The following PITPNM1 variants were observed in gnomAD, a reference collection of about 807,000 sequenced individuals.
PITPNM1 encodes the protein membrane-associated phosphatidylinositol transfer protein 1.
PITPNM1 carries 74 observed loss-of-function variants against 133.3 expected under a neutral mutation model. The observed-to-expected ratio is 0.56, with a 90% CI of 0.46 to 0.67. The LOEUF is 0.67. Ranked by LOEUF, PITPNM1 falls within the 30% of genes least tolerant of loss-of-function variation. The probability of loss-of-function intolerance (pLI) is 0.00; values close to 1 mark genes in which losing one functional copy is unlikely to be tolerated. For missense variants in PITPNM1, 1,398 were observed against 1,739.5 expected, an observed-to-expected ratio of 0.80 and a Z score of 3.49; for synonymous variants, 738 against 741.4, an observed-to-expected ratio of 1.00 and a Z score of 0.08.
rs766387373 is a variant in PITPNM1, at chr11:67,500,182, G to T, written c.880C>A (p.Pro294Thr). 1 of 1,597,862 alleles carries T rather than the reference G, an allele frequency of 6.3e-7. No homozygotes were observed. The highest frequency in any genetic ancestry group is 8.5e-7 in the Non-Finnish European group (1 of 1,173,078). ...NTGTPDGPEA[P>T]PGPDASPDAS... is the part of the protein sequence containing the mutation. ...TCGGGGGAGGCATCTGGGCCTGGGG[G>T]GGCCTCAGGCCCATCGGGGGTGCCA... Residue 294 changes from proline (P) to threonine (T), a missense_variant, in exon 6 of 24, where the codon CCC (proline) becomes ACC (threonine). Pro to Thr is a conservative substitution (Grantham distance 38, BLOSUM62 -1). This residue lies in a region of PITPNM1 where 195 missense variants were observed against 178.8 expected (regional missense o/e 1.09). Transcript: ENST00000356404.
Position 67,501,783 on chromosome 11 carries a change from G to A in PITPNM1, c.640+79C>T, listed in dbSNP as rs1356453043. Reference sequence around the variant, plus strand: ...GGCTTTCTGCTTCTGTGTCCCCAGTGGATGGGAGCATCCCTGGCCCTAAAC... The same window carrying A: ...GGCTTTCTGCTTCTGTGTCCCCAGTAGATGGGAGCATCCCTGGCCCTAAAC... On this transcript the variant is annotated intron_variant, in intron 5 of 23. Coordinates refer to ENST00000356404, the MANE Select transcript of PITPNM1 (RefSeq NM_004910.3). The A allele has an allele frequency of 3.2e-6, 4 of 1,243,488 alleles. No homozygotes were observed. The East Asian group carries it at 9.9e-5, about 31-fold the overall frequency. The allele number at this position is 1,243,488 out of a possible 1,614,324, so 77.0% of individuals were successfully genotyped here.
Position 67,497,999 on chromosome 11 carries a change from C to T in PITPNM1, c.1700G>A (p.Gly567Asp). The T allele has an allele frequency of 6.2e-7, 1 of 1,610,822 alleles. No homozygotes were observed. The highest frequency in any genetic ancestry group is 8.5e-7 in the Non-Finnish European group (1 of 1,179,974). The stretch of plus-strand genomic sequence containing the variant: ...GAGTGCATCAAAGCCCAGGATGCCA[C>T]CAACACCATCTCCAATCAGTGCGAC... ...GQVALIGDGV[G>D]GILGFDALCH... Residue 567 changes from glycine (G) to aspartate (D), a missense_variant, in exon 12 of 24, where the codon GGT becomes GAT. This residue lies in a region of PITPNM1 where 574 missense variants were observed against 698.7 expected (regional missense o/e 0.82). Transcript: ENST00000356404.
At chr11:67,497,496 T>G (rs1591058809) in intron 13 of PITPNM1, 26 bp downstream of exon 13, 1 of 1,600,922 alleles carries the variant, frequency 6.2e-7, no homozygotes, top group African/African-American at 1.3e-5. Flanking sequence ...GTGCCCAGGG[T>G]AGGGGTGATG....
Position 67,493,804 on chromosome 11 carries a change from A to C in PITPNM1, c.3042T>G (p.Thr1014=). ...CAGCCTCCGTGCCGCGGGCCACCAC[A>C]GTCAGGCAGCATTCGGCATAGGTGT... ...GDHTYAECCL[T]VVARGTEAVV... Residue 1014 remains threonine (T), a synonymous_variant, in exon 21 of 24, where the codon ACT becomes ACG. Transcript: ENST00000356404. 1 of 1,550,080 alleles carries C rather than the reference A, an allele frequency of 6.5e-7. No homozygotes were observed. The highest frequency in any genetic ancestry group is 8.7e-7 in the Non-Finnish European group (1 of 1,147,684).
chr11:67,494,927 C>A lies in PITPNM1; in HGVS notation c.2661G>T (p.Ala887=), dbSNP rs756992306. 2.5e-6 allele frequency: 4 copies of A among 1,612,850 alleles called. No homozygotes were observed. The highest frequency in any genetic ancestry group is 2.2e-5 in the East Asian group (1 of 44,866). ...TGTAGATGGACGGCTCCTCGCATTC[C>A]GCCAGCTGTGGCCGCTCCTTCTCGA... The part of the protein sequence containing the change: ...QVIEKERPQL[A]ECEEPSIYSP... The change falls in exon 18 of 24, where the codon GCG becomes GCT. Residue 887 remains alanine (A), a synonymous_variant. Transcript: ENST00000356404.
chr11:67,492,915 G>A lies in PITPNM1; in HGVS notation c.3471+19C>T, dbSNP rs1292339331. ...GCCCCCTGGTGGGGTCCTGTTCCTG[G>A]CCTTCACTTGGGCCTCACCTGGCAC... On this transcript the variant is annotated intron_variant, in intron 23 of 23. Coordinates refer to ENST00000356404, the MANE Select transcript of PITPNM1 (RefSeq NM_004910.3). 6.2e-7 allele frequency: 1 copy of A among 1,609,098 alleles called. No homozygotes were observed. Among genetic ancestry groups the A allele is most frequent in the Non-Finnish European group, 8.5e-7 (1 of 1,177,418 alleles).
chr11:67,500,012 G>A lies in PITPNM1; in HGVS notation c.968-3C>T, dbSNP rs758749675. 4 of 1,611,640 alleles carry A rather than the reference G, an allele frequency of 2.5e-6. No homozygotes were observed. The highest frequency in any genetic ancestry group is 3.4e-6 in the Non-Finnish European group (4 of 1,179,442). On this transcript the variant is annotated splice_polypyrimidine_tract_variant and splice_region_variant and intron_variant, in intron 6 of 23. Coordinates refer to ENST00000356404, the MANE Select transcript of PITPNM1 (RefSeq NM_004910.3). ...CAAGCTCTGGGGAGACACAGCCCCTGCCGGGCCAGCTCAGCCTCAGCCTCA... is the reference window on the plus strand; with the variant it reads ...CAAGCTCTGGGGAGACACAGCCCCTACCGGGCCAGCTCAGCCTCAGCCTCA...
chr11:67,503,993 G>T, intron 2 of PITPNM1, 110 bp downstream of exon 2: 1 of 713,266 alleles, frequency 1.4e-6, no homozygotes, highest in Non-Finnish European at 2.3e-6. Flanking sequence ...CTGAAGGGGG[G>T]CCTCTCTTGC....
At chr11:67,499,107 C>T in intron 8 of PITPNM1, 106 bp from the exon 9 acceptor site, 1 of 1,102,668 alleles carries the variant, frequency 9.1e-7, no homozygotes, top group South Asian at 1.5e-5. Context: ...GCCCCCAGTC[C>T]CTACCTTCCT....
At chr11:67,495,391 G>C (rs368279952) in intron 16 of PITPNM1, 47 bp downstream of exon 16, 1 of 1,460,930 alleles carries the variant, frequency 6.8e-7, no homozygotes, top group East Asian at 2.5e-5. Flanking sequence ...GGTGGAATAC[G>C]GGCCTCCCCC....
At position 67,498,805 on chromosome 11, in the gene PITPNM1, T is replaced by C; in HGVS notation, c.1275A>G (p.Ala425=). 1.2e-6 allele frequency: 2 copies of C among 1,611,802 alleles called. No homozygotes were observed. Among genetic ancestry groups the C allele is most frequent in the African/African-American group, 1.3e-5 (1 of 75,006 alleles). Residue 425 remains alanine (A), a synonymous_variant, in exon 10 of 24, where the codon GCA becomes GCG. Transcript: ENST00000356404. The surrounding 1 kb of genome is among the most constrained non-coding windows in gnomAD (Gnocchi z 5.7). The part of the protein sequence containing the change: ...GAGELGAEAC[A]VHALFLILHS... Reference sequence around the variant, plus strand: ...GCAGGATAAGGAAGAGGGCGTGGACTGCGCATGCCTCAGCCCCCAGCTCCC... The same window carrying C: ...GCAGGATAAGGAAGAGGGCGTGGACCGCGCATGCCTCAGCCCCCAGCTCCC...
intron 5 of PITPNM1, among the ~76,000 whole-genome samples, chr11:67,501,446 AGGCT>A (rs1414801982): frequency 2.0e-5 from 3 of 152,196 alleles, no homozygotes; most frequent in Non-Finnish European, 4.4e-5. Context: ...CCAGGGCCAA[AGGCT>A]GGAACACTAG....
At position 67,502,665 on chromosome 11, in the gene PITPNM1, G is replaced by A; in HGVS notation, c.132C>T (p.Ala44=). 2 of 1,613,480 alleles carry A rather than the reference G, an allele frequency of 1.2e-6. No homozygotes were observed. Among genetic ancestry groups the A allele is most frequent in the Non-Finnish European group, 1.7e-6 (2 of 1,180,016 alleles). ...CGGGCCCATCCGTGTAGGGCCGGTTGGCCAGGATCTCCACGCCGCTGCCCT... is the reference window on the plus strand; with the variant it reads ...CGGGCCCATCCGTGTAGGGCCGGTTAGCCAGGATCTCCACGCCGCTGCCCT... ...SGEGSGVEIL[A]NRPYTDGPGG... is the part of the protein sequence containing the mutation. The change falls in exon 3 of 24, where the codon GCC becomes GCT. Residue 44 remains alanine (A), a synonymous_variant. Transcript: ENST00000356404. This position sits in a 1 kb window ranked among gnomAD's most constrained non-coding sequence, Gnocchi z 5.9.
chr11:67,501,995 T>C lies in PITPNM1; in HGVS notation c.507A>G (p.Arg169=). Residue 169 remains arginine, a synonymous_variant, in exon 5 of 24, where the codon CGA becomes CGG. Transcript: ENST00000356404. ...PRLYHSVKTG[R]GPLSDDWART... Reference sequence around the variant, plus strand: ...GTGCCCAGTCATCAGACAGTGGCCCTCGGCCCGTCTTGACCGAGTGATAAA... The same window carrying C: ...GTGCCCAGTCATCAGACAGTGGCCCCCGGCCCGTCTTGACCGAGTGATAAA... 2 of 1,613,492 alleles carry C rather than the reference T, an allele frequency of 1.2e-6. No homozygotes were observed. Among genetic ancestry groups the C allele is most frequent in the Non-Finnish European group, 1.7e-6 (2 of 1,180,014 alleles).
chr11:67,494,265 G>T lies in PITPNM1; in HGVS notation c.2838C>A (p.Val946=), dbSNP rs1160649303. 1.9e-6 allele frequency: 3 copies of T among 1,612,664 alleles called. No individual in the cohort carries two copies. The highest frequency in any genetic ancestry group is 2.2e-5 in the South Asian group (2 of 91,088). ...TGACCTTCTCTCCAGTGAGCGTGAC[G>T]ACGTCCAGGGGCCCGTACATGAAGC... ...SGRFMYGPLD[V]VTLTGEKVDV... The change falls in exon 19 of 24, where the codon GTC becomes GTA. Residue 946 remains valine (V), a synonymous_variant. Transcript: ENST00000356404.
intron 2 of PITPNM1, chr11:67,503,862 A>C: frequency 3.4e-5 from 13 of 380,088 alleles, no homozygotes; most frequent in Admixed American, 4.5e-5. Flanking sequence ...TCCTTCCCCG[A>C]TGGGATTACA....
intron 21 of PITPNM1, 37 bp downstream of exon 21, chr11:67,493,651 C>T (rs375331166): frequency 1.7e-5 from 27 of 1,545,196 alleles, no homozygotes; most frequent in Non-Finnish European, 2.2e-5. Flanking sequence ...CCGGTCACCC[C>T]GGTGAAATGG....
rs1866292163 is a variant in PITPNM1 at position 67,500,498 on chromosome 11, T to C, written c.641-77A>G. On this transcript the variant is annotated intron_variant, in intron 5 of 23. Transcript: ENST00000356404. ...CGCAGCTACATGCCCAGCCTTGAGG[T>C]TGGATAATGGCTCCCCTGGGGACAC... is the stretch of plus-strand genomic sequence containing the variant. 10 of 1,442,406 alleles carry C rather than the reference T, an allele frequency of 6.9e-6. No individual in the cohort carries two copies. The Admixed American group carries it at 7.1e-5, about 10-fold the overall frequency. The allele number at this position is 1,442,406 out of a possible 1,614,324, so 89.4% of individuals were successfully genotyped here. A position where few individuals can be genotyped will look rare whatever the true frequency, so the allele number is the denominator to read the frequency against.
Position 67,494,301 on chromosome 11 carries a change from C to T in PITPNM1, c.2802G>A (p.Val934=), listed in dbSNP as rs371727701. The T allele has an allele frequency of 5.6e-6, 9 of 1,612,126 alleles. No individual in the cohort carries two copies. The African/African-American group carries it at 6.7e-5, about 12-fold the overall frequency. ...DTVVCEGRPQ[V]LSGRFMYGPL... ...GCCCGTACATGAAGCGCCCGCTTAG[C>T]ACCTGGGGGCGGCCCTCGCACACCA... The change falls in exon 19 of 24, where the codon GTG becomes GTA. Residue 934 remains valine, a synonymous_variant. Transcript: ENST00000356404.
Sources: allele counts gnomAD v4.1 joint callset (sites outside exome capture counted in the v4.1 genomes callset), GRCh38; gene constraint gnomAD v4.1.1; regional missense constraint gnomAD v4.1.1; non-coding constraint Gnocchi (gnomAD v3.1); transcripts MANE v1.5; gene names NCBI Gene and HGNC (gene_info 2026-07-23, HGNC 2026-07-21).